Variants in SGCD observed in about 807,000 individuals in gnomAD.
The protein encoded by SGCD is delta-sarcoglycan.
A neutral mutation model predicts 36.6 loss-of-function variants in SGCD; 18 were observed. That is an observed-to-expected ratio of 0.49 (90% CI 0.34 to 0.73). The LOEUF is 0.73. Among genes scored for constraint, SGCD ranks in the 30% least tolerant of loss-of-function variants. The pLI is 0.01. For synonymous variants in SGCD, 133 were observed against 130.6 expected (o/e 1.02, Z -0.12); for missense variants, 387 against 346.7 (o/e 1.12, Z -0.92).
At chr5:155,804,867 C>A in the SGCD span, among the ~76,000 whole-genome samples, 1 of 152,170 alleles carries the variant, frequency 6.6e-6, no homozygotes, top group African/African-American at 2.4e-5. Context: ...CATCTATGTA[C>A]CAGACATGTG....
chr5:155,908,841 G>A (rs949754689), intron 1 of SGCD, among the ~76,000 whole-genome samples: 11 of 152,082 alleles, frequency 7.2e-5, no homozygotes, highest in African/African-American at 2.7e-4. Flanking sequence ...TTGTCAGGTG[G>A]CAACCCTCTG....
chr5:156,669,632 T>G (rs1222004336), intron 7 of SGCD, among the ~76,000 whole-genome samples: 4 of 152,204 alleles, frequency 2.6e-5, no homozygotes, highest in Non-Finnish European at 5.9e-5. Context: ...ATTATGCCAG[T>G]CATAAAGTAT....
intron 2 of SGCD, 73 bp downstream of exon 2, chr5:156,329,652 G>A: frequency 7.3e-7 from 1 of 1,367,964 alleles, no homozygotes; most frequent in Non-Finnish European, 1.0e-6. Flanking sequence ...ATAAACTTTT[G>A]AAAAAGAGAA....
chr5:155,872,427 C>T (rs555267216), intron 1 of SGCD, among the ~76,000 whole-genome samples: 3 of 151,826 alleles, frequency 2.0e-5, no homozygotes, highest in East Asian at 1.9e-4. Context: ...TTTTTGAAAT[C>T]GTGCCCCGAC....
chr5:156,032,784 T>C (rs540396026), intron 1 of SGCD, among the ~76,000 whole-genome samples: 202 of 147,262 alleles, frequency 1.4e-3, no homozygotes, highest in African/African-American at 4.7e-3. Flanking sequence ...AAGCTCAAAT[T>C]TGGGGCGTGG....
intron 3 of SGCD, among the ~76,000 whole-genome samples, chr5:156,295,299 A>C (rs111976511): frequency 1.9e-3 from 283 of 152,096 alleles, no homozygotes; most frequent in African/African-American, 6.4e-3. Context: ...TTTCTGTAGC[A>C]TTTGTACGTA....
In SGCD at chr5:156,279,786, C is replaced by G. The variant is rs577956826; in HGVS notation, c.-43-49748C>G. The stretch of plus-strand genomic sequence containing the variant: ...AAGAAAGGCCCCTTTCTACATGACT[C>G]CCCTACACATGGAAATCTCCAGGAA... On this transcript the variant is annotated intron_variant, in intron 3 of 9. Transcript: ENST00000517913. 3.3e-5 allele frequency among the ~76,000 whole-genome samples: 5 copies of G among 152,136 alleles called. No homozygotes were observed. In the South Asian group the frequency reaches 8.3e-4, roughly 25 times the overall value.
rs769123154 is a variant in SGCD at position 156,344,561 on chromosome 5, G to A, written c.76G>A (p.Gly26Arg). The A allele has an allele frequency of 2.5e-6, 4 of 1,612,422 alleles. No homozygotes were observed. The South Asian group carries it at 4.4e-5, about 18-fold the overall frequency. The change falls in exon 3 of 9, where the codon GGG (glycine) becomes AGG (arginine). Residue 26 changes from glycine (G) to arginine (R), a missense_variant. By Grantham distance (125) the Gly-to-Arg change is moderately radical. Coordinates refer to ENST00000337851, the MANE Select transcript of SGCD (RefSeq NM_000337.6). ...TGTGGGGCCACAGGTATACAAGGTGGGGATTTATGGCTGGCGGAAACGATG... is the reference window on the plus strand; with the variant it reads ...TGTGGGGCCACAGGTATACAAGGTGAGGATTTATGGCTGGCGGAAACGATG... ...GSVGPQVYKVGIYGWRKRCLY... is the reference protein window; with the variant it reads ...GSVGPQVYKVRIYGWRKRCLY...
At chr5:156,511,339 C>T (rs1302990249) in intron 4 of SGCD, among the ~76,000 whole-genome samples, 1 of 152,196 alleles carries the variant, frequency 6.6e-6, no homozygotes. Context: ...ACACACCACA[C>T]CTTAGGTCAA....
intron 6 of SGCD, among the ~76,000 whole-genome samples, chr5:156,597,783 T>A (rs2113400180): frequency 6.6e-6 from 1 of 152,332 alleles, no homozygotes; most frequent in Non-Finnish European, 1.5e-5. Flanking sequence ...GATTACTTGC[T>A]ATGATTTAGG....
intron 3 of SGCD, among the ~76,000 whole-genome samples, chr5:156,382,655 A>G (rs1771049072): frequency 1.3e-5 from 2 of 152,228 alleles, no homozygotes; most frequent in African/African-American, 4.8e-5. Context: ...GTAGGGATAT[A>G]ATATTCTCTA....
chr5:155,982,578 A>G (rs1001812264), intron 1 of SGCD, among the ~76,000 whole-genome samples: 3 of 152,056 alleles, frequency 2.0e-5, no homozygotes, highest in Non-Finnish European at 4.4e-5. Flanking sequence ...CTCTCTCTCC[A>G]GGTTACTCTT....
chr5:156,092,320 T>C (rs1761264600), intron 1 of SGCD, among the ~76,000 whole-genome samples: 1 of 152,226 alleles, frequency 6.6e-6, no homozygotes, highest in Non-Finnish European at 1.5e-5. Flanking sequence ...GGTTACTTTT[T>C]GTTTGAAGAT....
chr5:155,962,654 A>T (rs1757814631), intron 1 of SGCD, among the ~76,000 whole-genome samples: 1 of 152,120 alleles, frequency 6.6e-6, no homozygotes, highest in African/African-American at 2.4e-5. Flanking sequence ...AGAAATTAGG[A>T]GGGCTATGGC....
At chr5:156,192,320 C>A (rs1316977372) in intron 3 of SGCD, among the ~76,000 whole-genome samples, 1 of 152,056 alleles carries the variant, frequency 6.6e-6, no homozygotes, top group Non-Finnish European at 1.5e-5. Context: ...AAAACATTTT[C>A]TTTGTTCAGT....
chr5:156,104,713 T>C (rs1761603428), intron 1 of SGCD, among the ~76,000 whole-genome samples: 1 of 152,204 alleles, frequency 6.6e-6, no homozygotes, highest in African/African-American at 2.4e-5. Flanking sequence ...GAGTAACAAG[T>C]ACTAAAACAG....
At chr5:155,764,751 C>G in the SGCD span, among the ~76,000 whole-genome samples, 1 of 152,050 alleles carries the variant, frequency 6.6e-6, no homozygotes, top group Non-Finnish European at 1.5e-5. Flanking sequence ...AAATTGACAC[C>G]ATCAGTCAAG....
chr5:156,152,139 A>C (rs56872047), intron 3 of SGCD, among the ~76,000 whole-genome samples: 8,497 of 151,636 alleles, frequency 0.056, 763 homozygotes, highest in African/African-American at 0.16. Flanking sequence ...TGAGTTAAAA[A>C]AAAACAAAAC....
At chr5:155,840,959 C>T in the SGCD span, among the ~76,000 whole-genome samples, 2 of 129,796 alleles carry the variant, frequency 1.5e-5, no homozygotes, top group Non-Finnish European at 3.1e-5. Context: ...TGTAGTGAGT[C>T]AAGATCGCAC....
Sources: allele counts gnomAD v4.1 joint callset (sites outside exome capture counted in the v4.1 genomes callset), GRCh38; gene constraint gnomAD v4.1.1; transcripts MANE v1.5; gene names NCBI Gene and HGNC (gene_info 2026-07-23, HGNC 2026-07-21).